The following NLRP7 variants were observed in gnomAD, a reference collection of about 807,000 sequenced individuals.
NLRP7 encodes NACHT, LRR and PYD domains-containing protein 7.
In NLRP7, 72 loss-of-function variants were observed where a neutral mutation model predicts 85.5. The observed-to-expected ratio is 0.84, with a 90% CI of 0.70 to 1.02. The LOEUF is 1.02. NLRP7 is among the 50% of genes least tolerant of loss of function. The pLI is 0.00. For synonymous variants in NLRP7, 550 were observed against 505.2 expected (o/e 1.09, Z -1.19); for missense variants, 1,243 against 1,219.5 (o/e 1.02, Z -0.29).
chr19:54,936,576 C>T (rs1020192819), intron 5 of NLRP7, 145 bp from the exon 6 acceptor site: 15 of 735,332 alleles, frequency 2.0e-5, no homozygotes, highest in Non-Finnish European at 3.6e-5. Context: ...AACCCCAGCA[C>T]TTTGGGAGGC....
At chr19:54,961,774 T>C (rs928628537) in intron 1 of NLRP7, among the ~76,000 whole-genome samples, 7 of 151,168 alleles carry the variant, frequency 4.6e-5, no homozygotes, top group Admixed American at 4.0e-4. Context: ...ACCACACCAC[T>C]GCACTCCAGC....
intron 6 of NLRP7, among the ~76,000 whole-genome samples, chr19:54,935,729 A>G (rs1315358418): frequency 1.3e-5 from 2 of 151,756 alleles, no homozygotes; most frequent in African/African-American, 4.8e-5. Context: ...CATTGAGTGC[A>G]GAGAAGGTTG....
rs769950536 is a variant in NLRP7 at position 54,938,284 on chromosome 19, A to G, written c.1932-43T>C. ...TTCATCTCTTAGGACTAGTACCTGC[A>G]TGGTGAGATGGGCATCTGCAAACCA... is the stretch of plus-strand genomic sequence containing the variant. On this transcript the variant is annotated intron_variant, in intron 4 of 9. Coordinates refer to ENST00000340844, the Ensembl canonical transcript of NLRP7. The G allele has an allele frequency of 2.6e-6, 4 of 1,516,466 alleles. No individual in the cohort carries two copies. In the African/African-American group the frequency reaches 4.1e-5, roughly 16 times the overall value. The allele number at this position is 1,516,466 out of a possible 1,614,324, so 93.9% of individuals were successfully genotyped here.
Position 54,936,752 on chromosome 19 carries a change from T to C in NLRP7, c.2130-321A>G, listed in dbSNP as rs564830261. On this transcript the variant is annotated intron_variant, in intron 5 of 9. Transcript: ENST00000340844. Reference sequence around the variant, plus strand: ...CAACATGGGGAAGCCCCGTCTCTACTAAAAATACAAAAATTAGCTGCACAT... The same window carrying C: ...CAACATGGGGAAGCCCCGTCTCTACCAAAAATACAAAAATTAGCTGCACAT... Among the ~76,000 whole-genome samples the C allele has an allele frequency of 6.6e-5, 10 of 152,080 alleles. No individual in the cohort carries two copies. In the South Asian group the frequency reaches 2.1e-3, roughly 32 times the overall value.
In NLRP7 at chr19:54,936,313, G is replaced by C. The variant is rs104895512; in HGVS notation, c.2248C>G (p.Leu750Val). The C allele has an allele frequency of 1.0e-4, 164 of 1,614,026 alleles. No homozygotes were observed. The Admixed American group carries it at 2.7e-3, about 27-fold the overall frequency. ...TTTCTGAGCAGGTCACACAGCATCA[G>C]CATCATCGTGCGTTCCCACTCGATG... The change falls in exon 6 of 10, where the codon CTG becomes GTG. Residue 750 changes from leucine to valine, a missense_variant. Leu to Val is a conservative substitution (Grantham distance 32). Around this residue, in one of 3 missense-constraint regions of NLRP7, gnomAD observed 613 missense variants for 588.4 expected, o/e 1.04. Transcript: ENST00000340844.
At chr19:54,947,609 T>C (rs529368955), upstream of NLRP7, 23 of 1,289,408 alleles carry the variant, frequency 1.8e-5, no homozygotes, top group African/African-American at 1.2e-4. Flanking sequence ...GAGATTAACA[T>C]TGGGTGGCTC....
intron 1 of NLRP7, among the ~76,000 whole-genome samples, chr19:54,957,794 T>C (rs2069907271): frequency 6.6e-6 from 1 of 152,194 alleles, no homozygotes; most frequent in African/African-American, 2.4e-5. Context: ...ATGTAATTCA[T>C]AGCCCATCCA....
At position 54,961,902 on chromosome 19, in the gene NLRP7, TA is replaced by T. The variant is rs2070055109; in HGVS notation, c.-77+4137del. 2.0e-5 allele frequency among the ~76,000 whole-genome samples: 3 copies of T among 151,650 alleles called. No individual in the cohort carries two copies. The South Asian group carries it at 6.3e-4, about 32-fold the overall frequency. ...AAAGGTCGGGGGAAGTGGATGCCTG[TA>T]ATCCCAGAACTTTGGGAGGCTGAGG... On this transcript the variant is annotated intron_variant, in intron 1 of 2. Transcript: ENST00000587103.
At chr19:54,933,295 G>A (rs930342453) in intron 8 of NLRP7, among the ~76,000 whole-genome samples, 1 of 151,920 alleles carries the variant, frequency 6.6e-6, no homozygotes, top group Non-Finnish European at 1.5e-5. Flanking sequence ...ACAGGCATCC[G>A]CCACCACACC....
At chr19:54,939,816 T>C (rs2069133687) in exon 4 of NLRP7, 1 of 1,613,872 alleles carries the variant, frequency 6.2e-7, no homozygotes, top group African/African-American at 1.3e-5. Context: ...CCAAAGTGTC[T>C]CAGGAAATAG....
rs1311953113 is a variant in NLRP7 at position 54,936,442 on chromosome 19, G to C, written c.2130-11C>G. 2.5e-6 allele frequency: 4 copies of C among 1,611,280 alleles called. No individual in the cohort carries two copies. On this transcript the variant is annotated splice_polypyrimidine_tract_variant and intron_variant, in intron 5 of 9. Coordinates refer to ENST00000340844, the Ensembl canonical transcript of NLRP7. The stretch of plus-strand genomic sequence containing the variant: ...GTGACGTTTTTAATCCTAGGGAAAA[G>C]CAGAAGAGATTCCACTTGGAGTGAT...
At chr19:54,936,928 A>G (rs372351158) in intron 5 of NLRP7, among the ~76,000 whole-genome samples, 5 of 147,274 alleles carry the variant, frequency 3.4e-5, no homozygotes, top group African/African-American at 1.0e-4. Context: ...AGAAAAAAAA[A>G]TTCGCCGGGT....
At chr19:54,954,555 G>GAAAAA in intron 1 of NLRP7, among the ~76,000 whole-genome samples, 1 of 145,274 alleles carries the variant, frequency 6.9e-6, no homozygotes, top group African/African-American at 2.6e-5. Context: ...AAAAAAAAGG[G>GAAAAA]CAACCGAGGC....
chr19:54,937,789 C>T (rs1273049755), intron 5 of NLRP7, among the ~76,000 whole-genome samples: 1 of 148,386 alleles, frequency 6.7e-6, no homozygotes, highest in Non-Finnish European at 1.5e-5. Flanking sequence ...CCCAGCTACT[C>T]GGGAGGCTGA....
Position 54,930,492 on chromosome 19 carries a change from C to G in NLRP7, c.2810+7G>C, listed in dbSNP as rs762117824. ...AAGAAAGAAAGAAGAAAAAGAAAAT[C>G]GCCTACCGTAGGTGTTTTAGGTTAC... On this transcript the variant is annotated splice_region_variant and intron_variant, in intron 9 of 9. Transcript: ENST00000340844. 6.3e-7 allele frequency: 1 copy of G among 1,589,484 alleles called. No individual in the cohort carries two copies. The highest frequency in any genetic ancestry group is 1.3e-5 in the African/African-American group (1 of 74,584).
intron 1 of NLRP7, among the ~76,000 whole-genome samples, chr19:54,964,895 G>T (rs949570073): frequency 8.6e-6 from 1 of 116,880 alleles, no homozygotes; most frequent in African/African-American, 3.6e-5. Context: ...TCTCATAGTT[G>T]ACGTGTCATT....
exon 4 of NLRP7, chr19:54,940,178 T>C (rs758804239): frequency 6.8e-6 from 11 of 1,614,072 alleles, no homozygotes; most frequent in Non-Finnish European, 8.5e-6. Flanking sequence ...GCGGCTGAGC[T>C]CCTTGCAGCT....
At chr19:54,943,014 G>A (rs760772015) in intron 1 of NLRP7, among the ~76,000 whole-genome samples, 10 of 152,082 alleles carry the variant, frequency 6.6e-5, no homozygotes, top group Non-Finnish European at 1.0e-4. Flanking sequence ...AAGTGTAGTG[G>A]TAGGAACCTG....
intron 1 of NLRP7, among the ~76,000 whole-genome samples, chr19:54,957,732 T>C (rs935730360): frequency 1.3e-5 from 2 of 152,188 alleles, no homozygotes; most frequent in Non-Finnish European, 2.9e-5. Flanking sequence ...GTGGGACTCC[T>C]GTGCATACAT....
Sources: allele counts gnomAD v4.1 joint callset (sites outside exome capture counted in the v4.1 genomes callset), GRCh38; gene constraint gnomAD v4.1.1; regional missense constraint gnomAD v4.1.1; transcripts MANE v1.5; gene names NCBI Gene and HGNC (gene_info 2026-07-23, HGNC 2026-07-21).